Variants in PARP8 observed in about 807,000 individuals in gnomAD.
The protein encoded by PARP8 is protein mono-ADP-ribosyltransferase PARP8.
In PARP8, 51 loss-of-function variants were observed where a neutral mutation model predicts 124.1. The ratio of observed to expected loss-of-function variants is 0.41; its 90% CI spans 0.33 to 0.52. The LOEUF is 0.52. PARP8 is among the 20% of genes least tolerant of loss of function. The pLI is 0.21. For synonymous variants in PARP8, 391 were observed against 361.5 expected (o/e 1.08, Z -0.93); for missense variants, 860 against 1,018.9 (o/e 0.84, Z 2.12).
Position 50,754,230 on chromosome 5 carries a change from C to T in PARP8, c.184+4042C>T, listed in dbSNP as rs867547411. 5.0e-3 allele frequency among the ~76,000 whole-genome samples: 731 copies of T among 147,604 alleles called. 5 individuals carry two copies. Among genetic ancestry groups the T allele is most frequent in the African/African-American group, 0.017 (676 of 39,232 alleles). On this transcript the variant is annotated intron_variant, in intron 3 of 25. Coordinates refer to ENST00000281631, the MANE Select transcript of PARP8 (RefSeq NM_024615.4). ...TAAGTTCTAGGGTACATGTGCACAA[C>T]GTGCAGGTTTGTTACATATGTATAC...
intron 2 of PARP8, among the ~76,000 whole-genome samples, chr5:50,669,806 G>C (rs1749793030): frequency 6.6e-6 from 1 of 152,190 alleles, no homozygotes; most frequent in African/African-American, 2.4e-5. Context: ...TTTATTAAAG[G>C]ATAGTGTTTT....
At chr5:50,833,739 T>C (rs1747252085) in intron 23 of PARP8, among the ~76,000 whole-genome samples, 2 of 152,180 alleles carry the variant, frequency 1.3e-5, no homozygotes, top group Admixed American at 1.3e-4. Context: ...TGTAAGATTA[T>C]TGAACCCTAA....
chr5:50,675,792 G>T (rs1447305318), intron 2 of PARP8, among the ~76,000 whole-genome samples: 1 of 150,640 alleles, frequency 6.6e-6, no homozygotes, highest in Non-Finnish European at 1.5e-5. Context: ...AACAAACCAG[G>T]AAAAAAAAAT....
At chr5:50,748,805 T>G (rs1187362702) in intron 2 of PARP8, among the ~76,000 whole-genome samples, 1 of 152,198 alleles carries the variant, frequency 6.6e-6, no homozygotes, top group Non-Finnish European at 1.5e-5. Flanking sequence ...TGTACCTAGG[T>G]GTAATTTGCT....
chr5:50,819,117 C>T (rs1374088501), intron 15 of PARP8, among the ~76,000 whole-genome samples: 1 of 152,084 alleles, frequency 6.6e-6, no homozygotes, highest in Admixed American at 6.5e-5. Flanking sequence ...AGCGCTGTGT[C>T]CTGGAAGTGA....
chr5:50,793,010 A>G (rs1561387400), intron 10 of PARP8, among the ~76,000 whole-genome samples: 2 of 152,130 alleles, frequency 1.3e-5, no homozygotes, highest in Admixed American at 6.6e-5. Context: ...ATCAAAACCC[A>G]TATTTGATAA....
intron 14 of PARP8, among the ~76,000 whole-genome samples, chr5:50,800,320 A>G (rs1456619480): frequency 6.6e-6 from 1 of 152,142 alleles, no homozygotes; most frequent in Non-Finnish European, 1.5e-5. Flanking sequence ...TGTTAGCTCT[A>G]TTAAGTTATT....
At chr5:50,721,553 A>G (rs1459678789) in intron 2 of PARP8, among the ~76,000 whole-genome samples, 3 of 151,988 alleles carry the variant, frequency 2.0e-5, no homozygotes, top group African/African-American at 7.2e-5. Context: ...AGGACCTGTG[A>G]CTTACTAAAT....
chr5:50,832,393 A>G (rs1239342985), intron 22 of PARP8, among the ~76,000 whole-genome samples: 2 of 152,214 alleles, frequency 1.3e-5, no homozygotes, highest in African/African-American at 2.4e-5. Flanking sequence ...AATAACAACA[A>G]AAGTTCAGTT....
rs200682679 is a variant in PARP8 at position 50,761,942 on chromosome 5, A to G, written c.423+44A>G. 1.9e-5 allele frequency: 25 copies of G among 1,286,878 alleles called. No homozygotes were observed. The East Asian group carries it at 6.0e-4, about 31-fold the overall frequency. 79.7% of individuals were successfully genotyped at this position (1,286,878 alleles called of 1,614,324 possible). A position where few individuals can be genotyped will look rare whatever the true frequency, so the allele number is the denominator to read the frequency against. On this transcript the variant is annotated intron_variant, in intron 6 of 25. Coordinates refer to ENST00000281631, the MANE Select transcript of PARP8 (RefSeq NM_024615.4). ...CCAAATACCTAGTCTTAAAGTTCTA[A>G]TAGCCATGTTGTCCTAGTGGTAATC...
At chr5:50,759,177 C>G (rs1760281861) in intron 3 of PARP8, among the ~76,000 whole-genome samples, 1 of 152,094 alleles carries the variant, frequency 6.6e-6, no homozygotes, top group Non-Finnish European at 1.5e-5. Context: ...CCTAGGCCTC[C>G]CAAAGAGCTA....
chr5:50,744,825 T>C, intron 2 of PARP8: 1 of 684,758 alleles, frequency 1.5e-6, no homozygotes, highest in Non-Finnish European at 2.6e-6. Flanking sequence ...TTTGCTTTCT[T>C]CTCATGTCCA....
chr5:50,760,482 A>C, intron 5 of PARP8, 120 bp downstream of exon 5: 2 of 800,772 alleles, frequency 2.5e-6, no homozygotes, highest in Non-Finnish European at 1.7e-6. Context: ...AATGAAACTC[A>C]AGCTAATGGC....
At chr5:50,755,199 C>A (rs1317527459) in intron 3 of PARP8, among the ~76,000 whole-genome samples, 3 of 151,964 alleles carry the variant, frequency 2.0e-5, no homozygotes, top group African/African-American at 7.2e-5. Flanking sequence ...ATCCCATTTG[C>A]CAATCTTGTC....
In PARP8 at chr5:50,750,154, A is replaced by AC; in HGVS notation, c.150_151insC (p.Ser51LeufsTer8). On this transcript the variant is annotated frameshift_variant, in exon 3 of 26. Transcript: ENST00000281631. LOFTEE classifies it high-confidence loss of function. ...TTTTGTTTGTTTGTTTTAACAGTGT[A>AC]TCCTACTCAGTACATGTATCTGAAG... 2 of 1,588,312 alleles carry AC rather than the reference A, an allele frequency of 1.3e-6. No homozygotes were observed. Among genetic ancestry groups the AC allele is most frequent in the Non-Finnish European group, 1.7e-6 (2 of 1,158,212 alleles).
chr5:50,771,647 T>TA (rs1761641346), intron 7 of PARP8, among the ~76,000 whole-genome samples: 1 of 148,986 alleles, frequency 6.7e-6, no homozygotes, highest in African/African-American at 2.6e-5. Flanking sequence ...TAAAAGGGAT[T>TA]ATATTCTATT....
At chr5:50,810,365 A>G (rs1277613997) in intron 14 of PARP8, among the ~76,000 whole-genome samples, 14 of 152,192 alleles carry the variant, frequency 9.2e-5, no homozygotes, top group African/African-American at 2.6e-4. Context: ...CATACTTTGT[A>G]TTAAATTATG....
chr5:50,747,761 C>CTTTTT lies in PARP8; in HGVS notation c.147-2365_147-2361dup, dbSNP rs70972943. On this transcript the variant is annotated intron_variant, in intron 2 of 25. Coordinates refer to ENST00000281631, the MANE Select transcript of PARP8 (RefSeq NM_024615.4). ...TCTCTCAAAGATAGGATAGACCTTG[C>CTTTTT]TTTTTTTTTTTTTTTTTTTTTTTTT... Among the ~76,000 whole-genome samples the CTTTTT allele has an allele frequency of 6.2e-3, 330 of 52,944 alleles. 97 individuals are homozygous for CTTTTT. Among genetic ancestry groups the CTTTTT allele is most frequent in the Non-Finnish European group, 9.3e-3 (209 of 22,506 alleles). The allele number at this position is 52,944 out of a possible 152,430, so 34.7% of individuals were successfully genotyped here.
intron 22 of PARP8, among the ~76,000 whole-genome samples, chr5:50,830,166 C>T (rs1746788658): frequency 6.6e-6 from 1 of 152,058 alleles, no homozygotes; most frequent in South Asian, 2.1e-4. Context: ...ATATATGTTT[C>T]ATCAATTTAA....
Sources: gnomAD v4.1 joint callset for allele counts (sites outside exome capture counted in the v4.1 genomes callset) on GRCh38, gnomAD v4.1.1 for gene constraint, MANE v1.5 for transcripts, NCBI Gene and HGNC (gene_info 2026-07-23, HGNC 2026-07-21) for gene names.